The following PBX3 variants were observed in gnomAD, a reference collection of about 807,000 sequenced individuals.
PBX3 encodes the protein pre-B-cell leukemia transcription factor 3.
In PBX3, 14 loss-of-function variants were observed where a neutral mutation model predicts 48.5. The observed-to-expected ratio is 0.29, with a 90% CI of 0.19 to 0.45. The LOEUF is 0.45. PBX3 is among the 20% of genes least tolerant of loss of function. The pLI is 1.00. For missense variants in PBX3, 386 were observed against 546.7 expected, an observed-to-expected ratio of 0.71 and a Z score of 2.93; for synonymous variants, 210 against 200.3, an observed-to-expected ratio of 1.05 and a Z score of -0.41.
At chr9:125,873,597 C>T (rs1236461755) in intron 2 of PBX3, among the ~76,000 whole-genome samples, 3 of 149,996 alleles carry the variant, frequency 2.0e-5, no homozygotes, top group Admixed American at 6.6e-5. Context: ...AAATCATTCT[C>T]AAGTCAAAGA....
At chr9:125,782,443 TA>T (rs1210684729) in intron 2 of PBX3, among the ~76,000 whole-genome samples, 1 of 152,168 alleles carries the variant, frequency 6.6e-6, no homozygotes, top group African/African-American at 2.4e-5. Flanking sequence ...CAATAGCACA[TA>T]AAAACTCTAC....
chr9:125,750,759 G>A (rs1270653544), intron 2 of PBX3, among the ~76,000 whole-genome samples: 4 of 152,180 alleles, frequency 2.6e-5, no homozygotes, highest in East Asian at 1.9e-4. Context: ...GAGTAAAGGC[G>A]GCTGTCTGGG....
chr9:125,809,816 A>G (rs923975255), intron 2 of PBX3, among the ~76,000 whole-genome samples: 1 of 152,236 alleles, frequency 6.6e-6, no homozygotes, highest in Non-Finnish European at 1.5e-5. Context: ...CAGGATGTTT[A>G]AAGAATTCCT....
At chr9:125,889,639 G>A (rs975199317) in intron 2 of PBX3, among the ~76,000 whole-genome samples, 7 of 151,960 alleles carry the variant, frequency 4.6e-5, no homozygotes, top group Non-Finnish European at 8.8e-5. Flanking sequence ...TGTAAGTGTC[G>A]CACAAAAGTA....
chr9:125,893,295 C>G (rs527375192), intron 2 of PBX3, among the ~76,000 whole-genome samples: 1 of 152,286 alleles, frequency 6.6e-6, no homozygotes, highest in South Asian at 2.1e-4. Context: ...TTAACTGTTG[C>G]ATTTTACTTC....
intron 3 of PBX3, among the ~76,000 whole-genome samples, chr9:125,926,427 C>T (rs142436569): frequency 7.7e-4 from 116 of 150,322 alleles, no homozygotes; most frequent in African/African-American, 2.7e-3. Context: ...GGCTGAGGCA[C>T]GGGAATCACT....
chr9:125,808,491 T>C (rs1471461634), intron 2 of PBX3, among the ~76,000 whole-genome samples: 1 of 152,044 alleles, frequency 6.6e-6, no homozygotes, highest in Non-Finnish European at 1.5e-5. Context: ...CCCTGGGGAC[T>C]CTGTCTCTAC....
Position 125,930,890 on chromosome 9 carries a change from A to G in PBX3, c.707+1045A>G, listed in dbSNP as rs530505679. 6.6e-5 allele frequency among the ~76,000 whole-genome samples: 10 copies of G among 152,360 alleles called. No individual in the cohort carries two copies. In the South Asian group the frequency reaches 2.1e-3, roughly 32 times the overall value. On this transcript the variant is annotated intron_variant, in intron 4 of 8. Transcript: ENST00000373489. ...ACAGTAGCTTTCCAATGCTCGATAC[A>G]TGCATACTTCACATATACACTCCTT...
intron 2 of PBX3, among the ~76,000 whole-genome samples, chr9:125,835,296 A>G (rs1839100125): frequency 6.6e-6 from 1 of 152,174 alleles, no homozygotes; most frequent in African/African-American, 2.4e-5. Flanking sequence ...AAGAGGAGAC[A>G]CAGAGGTTAA....
intron 2 of PBX3, among the ~76,000 whole-genome samples, chr9:125,798,735 C>T (rs1837855458): frequency 6.6e-6 from 1 of 152,030 alleles, no homozygotes; most frequent in South Asian, 2.1e-4. Context: ...TATATATGAA[C>T]TTACCATAGC....
At chr9:125,801,965 C>T (rs983870410) in intron 2 of PBX3, among the ~76,000 whole-genome samples, 1 of 152,104 alleles carries the variant, frequency 6.6e-6, no homozygotes, top group African/African-American at 2.4e-5. Context: ...GTAATCCCAG[C>T]ACTTTGGGAG....
At chr9:125,797,169 A>T (rs1026468576) in intron 2 of PBX3, among the ~76,000 whole-genome samples, 1 of 152,160 alleles carries the variant, frequency 6.6e-6, no homozygotes, top group Admixed American at 6.5e-5. Flanking sequence ...AATATATTTT[A>T]AAAAATGTTT....
intron 2 of PBX3, among the ~76,000 whole-genome samples, chr9:125,808,511 A>T (rs926950441): frequency 3.3e-5 from 5 of 152,196 alleles, no homozygotes; most frequent in Admixed American, 2.6e-4. Context: ...CAAAAAATTT[A>T]AAAAATTAGC....
chr9:125,905,567 C>A (rs181582717), intron 2 of PBX3, among the ~76,000 whole-genome samples: 1 of 151,006 alleles, frequency 6.6e-6, no homozygotes, highest in Admixed American at 6.6e-5. Context: ...CTTTTGATTT[C>A]TTTGCTGTAG....
intron 2 of PBX3, among the ~76,000 whole-genome samples, chr9:125,902,080 G>T (rs1257854326): frequency 6.8e-6 from 1 of 147,610 alleles, no homozygotes; most frequent in African/African-American, 2.5e-5. Context: ...ACAACTTGTG[G>T]TTTTTTTTTT....
intron 2 of PBX3, among the ~76,000 whole-genome samples, chr9:125,908,326 A>G (rs901650875): frequency 6.6e-6 from 1 of 152,064 alleles, no homozygotes; most frequent in Non-Finnish European, 1.5e-5. Context: ...GTGTTATCCC[A>G]TTCACAGCAT....
chr9:125,824,938 T>C (rs1838763118), intron 2 of PBX3, among the ~76,000 whole-genome samples: 1 of 152,166 alleles, frequency 6.6e-6, no homozygotes. Context: ...GGCCACTGAT[T>C]CTCGGACTTT....
chr9:125,847,457 A>G (rs1283823738), intron 2 of PBX3, among the ~76,000 whole-genome samples: 1 of 151,992 alleles, frequency 6.6e-6, no homozygotes, highest in Admixed American at 6.6e-5. Context: ...TTAGAAGAAT[A>G]CCCAATGATA....
chr9:125,806,026 A>G (rs1334541536), intron 2 of PBX3, among the ~76,000 whole-genome samples: 4 of 152,292 alleles, frequency 2.6e-5, no homozygotes, highest in Middle Eastern at 3.4e-3. Flanking sequence ...ATATCTGTGT[A>G]AATGTATGAT....
Sources: gnomAD v4.1 joint callset for allele counts (sites outside exome capture counted in the v4.1 genomes callset) on GRCh38, gnomAD v4.1.1 for gene constraint, MANE v1.5 for transcripts, NCBI Gene and HGNC (gene_info 2026-07-23, HGNC 2026-07-21) for gene names.